C19orf44: variants seen among roughly 807,000 people sequenced by gnomAD.
C19orf44 encodes uncharacterized protein C19orf44.
C19orf44 carries 43 observed loss-of-function variants against 50.7 expected under a neutral mutation model. The ratio of observed to expected loss-of-function variants is 0.85; its 90% CI spans 0.66 to 1.09. The LOEUF is 1.09. Among genes scored for constraint, C19orf44 ranks in the 50% least tolerant of loss-of-function variants. The pLI is 0.00. For missense variants in C19orf44, 722 were observed against 836.2 expected (o/e 0.86, Z 1.68); for synonymous variants, 298 against 334.7 (o/e 0.89, Z 1.20).
intron 1 of C19orf44, among the ~76,000 whole-genome samples, chr19:16,499,293 T>C (rs1349495898): frequency 6.6e-6 from 1 of 152,070 alleles, no homozygotes; most frequent in Admixed American, 6.6e-5. Flanking sequence ...TCTTTTTTTT[T>C]TCTTTTTTTT....
chr19:16,498,838 T>C (rs2093417085), intron 1 of C19orf44, among the ~76,000 whole-genome samples: 1 of 151,800 alleles, frequency 6.6e-6, no homozygotes, highest in Non-Finnish European at 1.5e-5. Context: ...GCCCGGCTAA[T>C]TTTTTGTGTT....
In C19orf44 at chr19:16,502,745, G is replaced by T. The variant is rs76297817; in HGVS notation, c.760-320G>T. Among the ~76,000 whole-genome samples the T allele has an allele frequency of 2.7e-3, 406 of 151,508 alleles. 1 individual carries two copies. The highest frequency in any genetic ancestry group is 9.5e-3 in the African/African-American group (394 of 41,260). ...GGTGGCTCACACCTGTAATCCCAGGGTTTTGGAAAGCTTAGGTGGGTAGAT... is the reference window on the plus strand; with the variant it reads ...GGTGGCTCACACCTGTAATCCCAGGTTTTTGGAAAGCTTAGGTGGGTAGAT... On this transcript the variant is annotated intron_variant, in intron 2 of 8. Transcript: ENST00000221671.
At chr19:16,517,044 C>T (rs2085542156) in intron 7 of C19orf44, among the ~76,000 whole-genome samples, 186 bp from the exon 8 acceptor site, 1 of 152,234 alleles carries the variant, frequency 6.6e-6, no homozygotes, top group Non-Finnish European at 1.5e-5. Context: ...GCAGGGCTGA[C>T]CCTCTACCCT....
intron 3 of C19orf44, among the ~76,000 whole-genome samples, chr19:16,504,175 G>A (rs1447580234): frequency 1.3e-5 from 2 of 151,950 alleles, no homozygotes; most frequent in Non-Finnish European, 2.9e-5. Context: ...CAGCCTGGGT[G>A]ACAGAGCAAG....
At position 16,501,209 on chromosome 19, in the gene C19orf44, A is replaced by G. The variant is rs367607617; in HGVS notation, c.417A>G (p.Ala139=). ...KRADRILSGG[A]LELASQNTDK... is the part of the protein sequence containing the mutation. ...CTGACAGAATCCTCTCTGGGGGTGC[A>G]CTCGAACTCGCGTCCCAGAACACAG... Residue 139 remains alanine, a synonymous_variant, in exon 2 of 9, where the codon GCA becomes GCG. Coordinates refer to ENST00000221671, the MANE Select transcript of C19orf44 (RefSeq NM_032207.4). 2.8e-4 allele frequency: 457 copies of G among 1,613,968 alleles called. No individual in the cohort carries two copies. Among genetic ancestry groups the G allele is most frequent in the Non-Finnish European group, 3.7e-4 (439 of 1,180,004 alleles).
At position 16,520,420 on chromosome 19, in the gene C19orf44, C is replaced by G; in HGVS notation, c.*367C>G. 5 of 1,614,072 alleles carry G rather than the reference C, an allele frequency of 3.1e-6. No individual in the cohort carries two copies. The highest frequency in any genetic ancestry group is 4.2e-6 in the Non-Finnish European group (5 of 1,180,018). On this transcript the variant is annotated 3_prime_UTR_variant, in exon 9 of 9. Coordinates refer to ENST00000221671, the MANE Select transcript of C19orf44 (RefSeq NM_032207.4). This position sits in a 1 kb window ranked among gnomAD's most constrained non-coding sequence, Gnocchi z 4.0. Reference sequence around the variant, plus strand: ...AGGAGCGCGACCTTGACCTTGAGTACGAGCCTGAAGACTTGGAGGATCTTG... The same window carrying G: ...AGGAGCGCGACCTTGACCTTGAGTAGGAGCCTGAAGACTTGGAGGATCTTG...
chr19:16,515,090 C>G (rs2093468072), intron 7 of C19orf44, among the ~76,000 whole-genome samples: 1 of 152,194 alleles, frequency 6.6e-6, no homozygotes, highest in South Asian at 2.1e-4. Flanking sequence ...TGATTACCAG[C>G]CAGGTGCCGT....
rs746988674 is a variant in C19orf44, at chr19:16,520,424, C to T, written c.*371C>T. The T allele has an allele frequency of 1.9e-6, 3 of 1,614,058 alleles. No individual in the cohort carries two copies. The highest frequency in any genetic ancestry group is 4.5e-5 in the East Asian group (2 of 44,872). On this transcript the variant is annotated 3_prime_UTR_variant, in exon 9 of 9. Coordinates refer to ENST00000221671, the MANE Select transcript of C19orf44 (RefSeq NM_032207.4). This position sits in a 1 kb window ranked among gnomAD's most constrained non-coding sequence, Gnocchi z 4.0. ...GCGCGACCTTGACCTTGAGTACGAGCCTGAAGACTTGGAGGATCTTGAGTT... is the reference window on the plus strand; with the variant it reads ...GCGCGACCTTGACCTTGAGTACGAGTCTGAAGACTTGGAGGATCTTGAGTT...
chr19:16,513,234 G>C, intron 6 of C19orf44, 125 bp downstream of exon 6: 1 of 916,422 alleles, frequency 1.1e-6, no homozygotes, highest in Non-Finnish European at 1.7e-6. Flanking sequence ...CCATTGGGCA[G>C]GGATTATTGC....
rs957994776 is a variant in C19orf44 at position 16,521,248 on chromosome 19, G to C, written c.*1195G>C. 1.8e-6 allele frequency: 1 copy of C among 568,968 alleles called. No individual in the cohort carries two copies. The highest frequency in any genetic ancestry group is 3.1e-6 in the Non-Finnish European group (1 of 319,950). 35.2% of individuals were successfully genotyped at this position (568,968 alleles called of 1,614,324 possible). ...GAAGGAGGGGTGACCACTGGGAAGGGTGGGCTGAGGGCCCTGTGGCAGCCG... is the reference window on the plus strand; with the variant it reads ...GAAGGAGGGGTGACCACTGGGAAGGCTGGGCTGAGGGCCCTGTGGCAGCCG... On this transcript the variant is annotated 3_prime_UTR_variant, in exon 9 of 9. Coordinates refer to ENST00000221671, the MANE Select transcript of C19orf44 (RefSeq NM_032207.4).
chr19:16,497,781 G>A (rs971845022), intron 1 of C19orf44, among the ~76,000 whole-genome samples: 3 of 152,138 alleles, frequency 2.0e-5, no homozygotes, highest in Non-Finnish European at 4.4e-5. Flanking sequence ...CTAATTAATG[G>A]ATAGTTACAT....
Position 16,521,028 on chromosome 19 carries a change from T to C in C19orf44, c.*975T>C. 4 of 891,694 alleles carry C rather than the reference T, an allele frequency of 4.5e-6. No homozygotes were observed. The highest frequency in any genetic ancestry group is 7.3e-6 in the Non-Finnish European group (4 of 546,188). The allele number at this position is 891,694 out of a possible 1,614,324, so 55.2% of individuals were successfully genotyped here. On this transcript the variant is annotated 3_prime_UTR_variant, in exon 9 of 9. Transcript: ENST00000221671. ...TGGAGAGTACATGGCCCTGTGGCTG[T>C]GGGCTCCGAGCATGGGCGCAGTAGA...
chr19:16,504,303 C>T (rs1289151692), intron 3 of C19orf44, among the ~76,000 whole-genome samples: 1 of 152,172 alleles, frequency 6.6e-6, no homozygotes, highest in African/African-American at 2.4e-5. Context: ...CACTGGCCTC[C>T]ACCCTAAGGT....
At chr19:16,511,325 G>A (rs779860980) in intron 5 of C19orf44, among the ~76,000 whole-genome samples, 1 of 151,838 alleles carries the variant, frequency 6.6e-6, no homozygotes, top group Non-Finnish European at 1.5e-5. Flanking sequence ...GTGAGCCACC[G>A]CACCTGGCCC....
intron 6 of C19orf44, among the ~76,000 whole-genome samples, chr19:16,513,993 A>AT (rs201243218): frequency 4.3e-4 from 63 of 146,550 alleles, no homozygotes; most frequent in South Asian, 1.3e-3. Context: ...CAATTTTTTA[A>AT]TTTTTTTTTT....
At chr19:16,512,458 C>T (rs1568498396) in intron 5 of C19orf44, among the ~76,000 whole-genome samples, 1 of 152,142 alleles carries the variant, frequency 6.6e-6, no homozygotes, top group Non-Finnish European at 1.5e-5. Context: ...CTCTCGACTG[C>T]AGCCACCGTG....
At chr19:16,517,205 G>A in intron 7 of C19orf44, 25 bp from the exon 8 acceptor site, 1 of 1,608,000 alleles carries the variant, frequency 6.2e-7, no homozygotes, top group South Asian at 1.1e-5. Context: ...GATGGTGATG[G>A]CGTGGTCTGT....
At chr19:16,507,928 C>T (rs1370111974) in intron 4 of C19orf44, among the ~76,000 whole-genome samples, 6 of 151,592 alleles carry the variant, frequency 4.0e-5, no homozygotes, top group East Asian at 1.9e-4. Flanking sequence ...CTCAGCCTCC[C>T]GAGCAGCTGG....
Position 16,501,275 on chromosome 19 carries a change from C to T in C19orf44, c.483C>T (p.Thr161=), listed in dbSNP as rs73513157. 3.6e-3 allele frequency: 5,733 copies of T among 1,613,962 alleles called. 154 individuals carry two copies. In the African/African-American group the frequency reaches 0.066, roughly 19 times the overall value. Residue 161 remains threonine, a synonymous_variant, in exon 2 of 9, where the codon ACC becomes ACT. Coordinates refer to ENST00000221671, the MANE Select transcript of C19orf44 (RefSeq NM_032207.4). ...ATCAAGCCCGTGAACTTCCTGTCAC[C>T]GAAAATAATGCACAGAACGCGAAGG... ...SQNQARELPV[T]ENNAQNAKVS...
Sources: gnomAD v4.1 joint callset for allele counts (sites outside exome capture counted in the v4.1 genomes callset) on GRCh38, gnomAD v4.1.1 for gene constraint, Gnocchi (gnomAD v3.1) non-coding constraint, MANE v1.5 for transcripts, NCBI Gene and HGNC (gene_info 2026-07-23, HGNC 2026-07-21) for gene names.